Variants in DIAPH2 observed in about 807,000 individuals in gnomAD.
The protein encoded by DIAPH2 is protein diaphanous homolog 2.
Under a neutral mutation model 92.7 loss-of-function variants are expected in DIAPH2, and 35 were observed. That is an observed-to-expected ratio of 0.38 (90% CI 0.29 to 0.50). DIAPH2 has a LOEUF of 0.50. DIAPH2 is among the 20% of genes least tolerant of loss of function. The pLI is 0.94. For missense variants in DIAPH2, 701 were observed against 819.5 expected (o/e 0.86, Z 1.77); for synonymous variants, 301 against 280.4 (o/e 1.07, Z -0.73).
At chrX:96,755,701 A>G (rs1221992770) in intron 3 of DIAPH2, among the ~76,000 whole-genome samples, 1 of 95,917 alleles carries the variant, frequency 1.0e-5, no homozygotes, top group African/African-American at 3.9e-5. Flanking sequence ...TTCGCCAATT[A>G]GTTTATTTAC....
intron 4 of DIAPH2, among the ~76,000 whole-genome samples, chrX:96,877,046 C>G (rs1014056228): frequency 3.6e-5 from 4 of 111,107 alleles, no homozygotes; most frequent in Non-Finnish European, 7.6e-5. Flanking sequence ...AGATGGCTTT[C>G]TTACATAAAT....
chrX:96,799,459 T>C (rs750756262), intron 4 of DIAPH2, among the ~76,000 whole-genome samples: 1 of 112,198 alleles, frequency 8.9e-6, no homozygotes, highest in East Asian at 2.8e-4. Flanking sequence ...TGTCTTTCTT[T>C]AGTTAATAGG....
chrX:97,345,385 A>T (rs889842611), intron 23 of DIAPH2, among the ~76,000 whole-genome samples: 1 of 111,924 alleles, frequency 8.9e-6, no homozygotes, highest in African/African-American at 3.2e-5. Context: ...GGTGTATTCC[A>T]TAAGTGTCAG....
At chrX:97,029,681 A>C (rs1473185174) in intron 17 of DIAPH2, among the ~76,000 whole-genome samples, 1 of 111,175 alleles carries the variant, frequency 9.0e-6, no homozygotes, top group African/African-American at 3.3e-5. Flanking sequence ...CCATGTGGCT[A>C]TCCAGCATCC....
intron 9 of DIAPH2, among the ~76,000 whole-genome samples, chrX:96,925,139 T>A (rs1247308147): frequency 1.8e-5 from 2 of 111,005 alleles, no homozygotes; most frequent in African/African-American, 6.6e-5. Context: ...ATATGTGATG[T>A]CTTTATCTGA....
At chrX:97,487,344 G>A (rs1295250502) in intron 26 of DIAPH2, among the ~76,000 whole-genome samples, 1 of 110,678 alleles carries the variant, frequency 9.0e-6, no homozygotes, top group Non-Finnish European at 1.9e-5. Flanking sequence ...GCGTGATCTC[G>A]GTTCACTGTA....
chrX:96,887,052 G>T (rs2065267994), intron 5 of DIAPH2, among the ~76,000 whole-genome samples: 1 of 110,758 alleles, frequency 9.0e-6, no homozygotes, highest in South Asian at 3.9e-4. Context: ...GTTCGTTGGG[G>T]TTTTTTTAGG....
In DIAPH2 at chrX:97,215,191, T is replaced by C. The variant is rs192566887; in HGVS notation, c.2720-32524T>C. ...TGTCTCCTTCTGAGAGACAGTAGCC[T>C]ACTGGTCTGCCTCTCAGGATCCTTC... On this transcript the variant is annotated intron_variant, in intron 22 of 26. Transcript: ENST00000324765. Among the ~76,000 whole-genome samples the C allele has an allele frequency of 2.1e-3, 233 of 111,856 alleles. 1 individual carries two copies. Among genetic ancestry groups the C allele is most frequent in the Non-Finnish European group, 3.5e-3 (184 of 53,217 alleles).
chrX:96,699,889 GA>G (rs1445843460), intron 1 of DIAPH2, among the ~76,000 whole-genome samples: 1 of 112,411 alleles, frequency 8.9e-6, no homozygotes, highest in African/African-American at 3.2e-5. Context: ...GACATCTAAG[GA>G]AAATATTCAT....
intron 26 of DIAPH2, among the ~76,000 whole-genome samples, chrX:97,513,565 G>A (rs1442370635): frequency 2.4e-5 from 1 of 40,997 alleles, no homozygotes; most frequent in Non-Finnish European, 4.4e-5. Flanking sequence ...ATGTTAGCTG[G>A]TTATTTTGCT....
chrX:96,899,939 T>A (rs866140496), intron 5 of DIAPH2, among the ~76,000 whole-genome samples: 28 of 109,177 alleles, frequency 2.6e-4, no homozygotes, highest in African/African-American at 9.3e-4. Context: ...TAGCATGAAG[T>A]GTTGTTGAAT....
rs867213823 is a variant in DIAPH2, at chrX:97,347,849, C to T, written c.2845-267C>T. ...AGCGATTAGGATACAGACAGGGGAACGACTATGGAGAGACCTCAGAAGAAA... is the reference window on the plus strand; with the variant it reads ...AGCGATTAGGATACAGACAGGGGAATGACTATGGAGAGACCTCAGAAGAAA... On this transcript the variant is annotated intron_variant, in intron 23 of 26. Transcript: ENST00000324765. Among the ~76,000 whole-genome samples the T allele has an allele frequency of 5.4e-5, 6 of 111,076 alleles. No homozygotes were observed. The East Asian group carries it at 8.5e-4, about 16-fold the overall frequency.
chrX:97,535,283 CTT>C (rs966721569), intron 26 of DIAPH2, among the ~76,000 whole-genome samples: 5 of 111,717 alleles, frequency 4.5e-5, no homozygotes, highest in Non-Finnish European at 9.4e-5. Context: ...TATGAGCACT[CTT>C]ATACTATCTC....
At chrX:97,597,597 T>C (rs954372667) in intron 26 of DIAPH2, among the ~76,000 whole-genome samples, 2 of 112,018 alleles carry the variant, frequency 1.8e-5, no homozygotes, top group Non-Finnish European at 3.8e-5. Flanking sequence ...ACCGTCATTC[T>C]CACGTCTGGT....
rs749584603 is a variant in DIAPH2, at chrX:96,866,305, A to G, written c.448-15274A>G. Among the ~76,000 whole-genome samples the G allele has an allele frequency of 1.6e-4, 18 of 111,872 alleles. No individual in the cohort carries two copies. The East Asian group carries it at 4.8e-3, about 30-fold the overall frequency. On this transcript the variant is annotated intron_variant, in intron 4 of 26. Transcript: ENST00000324765. ...AGTGGATCTGCATAACAATATTAAT[A>G]CTTGCCTGCAACATGCCCCAATTTT...
Position 97,199,036 on chromosome X carries a change from G to T in DIAPH2, c.2720-48679G>T, listed in dbSNP as rs762362037. 4.5e-5 allele frequency among the ~76,000 whole-genome samples: 5 copies of T among 110,167 alleles called. No homozygotes were observed. The East Asian group carries it at 1.4e-3, about 32-fold the overall frequency. ...AGAGAAGTAAGTGCTTTGGGAGGGTGGGGTCAGGGCAGGCAGTGGATGGGA... is the reference window on the plus strand; with the variant it reads ...AGAGAAGTAAGTGCTTTGGGAGGGTTGGGTCAGGGCAGGCAGTGGATGGGA... On this transcript the variant is annotated intron_variant, in intron 22 of 26. Coordinates refer to ENST00000324765, the MANE Select transcript of DIAPH2 (RefSeq NM_006729.5).
chrX:97,381,022 A>G (rs1424316781), intron 24 of DIAPH2, among the ~76,000 whole-genome samples: 1 of 111,640 alleles, frequency 9.0e-6, no homozygotes, highest in East Asian at 2.8e-4. Context: ...TTTATCCTTT[A>G]GTAGATCTAC....
At chrX:97,432,470 TTTTTA>T (rs2070136918) in intron 26 of DIAPH2, among the ~76,000 whole-genome samples, 1 of 108,967 alleles carries the variant, frequency 9.2e-6, no homozygotes, top group Non-Finnish European at 1.9e-5. Context: ...AATTGTTGTA[TTTTTA>T]TTTTATTTTT....
intron 23 of DIAPH2, among the ~76,000 whole-genome samples, chrX:97,339,221 A>C (rs1329860578): frequency 9.0e-6 from 1 of 111,407 alleles, no homozygotes; most frequent in Non-Finnish European, 1.9e-5. Flanking sequence ...CTAGATAAAA[A>C]TGCTTTGTGG....
Sources: allele counts gnomAD v4.1 joint callset (sites outside exome capture counted in the v4.1 genomes callset), GRCh38; gene constraint gnomAD v4.1.1; transcripts MANE v1.5; gene names NCBI Gene and HGNC (gene_info 2026-07-23, HGNC 2026-07-21).